Variants in SAMD5 observed in about 807,000 individuals in gnomAD.
The protein encoded by SAMD5 is sterile alpha motif domain-containing protein 5.
A neutral mutation model predicts 11.3 loss-of-function variants in SAMD5; 13 were observed. The observed-to-expected ratio is 1.15, with a 90% confidence interval of 0.75 to 1.83. The LOEUF is 1.83. Ranked by LOEUF, SAMD5 falls within the 40% of genes most tolerant of loss-of-function variation. SAMD5 has a pLI of 0.00. For missense variants in SAMD5, 255 were observed against 239.1 expected (o/e 1.07, Z -0.44); for synonymous variants, 129 against 111.3 (o/e 1.16, Z -1.00).
chr6:147,897,455 G>C, the SAMD5 span, among the ~76,000 whole-genome samples: 1 of 152,162 alleles, frequency 6.6e-6, no homozygotes, highest in Admixed American at 6.5e-5. Flanking sequence ...AATGACTGGA[G>C]CATGAAGGTC....
chr6:147,780,345 T>A, the SAMD5 span, among the ~76,000 whole-genome samples: 1 of 151,988 alleles, frequency 6.6e-6, no homozygotes, highest in Non-Finnish European at 1.5e-5. Context: ...GTAGCTTGGA[T>A]TATAGATGCC....
At chr6:147,763,941 C>CT in the SAMD5 span, among the ~76,000 whole-genome samples, 6,965 of 152,264 alleles carry the variant, frequency 0.046, 213 homozygotes, top group Non-Finnish European at 0.069. Flanking sequence ...CCTGAAATGA[C>CT]TGAGTCACTT....
the SAMD5 span, among the ~76,000 whole-genome samples, chr6:147,795,829 T>C: frequency 6.6e-6 from 1 of 152,080 alleles, no homozygotes; most frequent in African/African-American, 2.4e-5. Flanking sequence ...ATGGTGAGCA[T>C]TTTTTCATGT....
the SAMD5 span, among the ~76,000 whole-genome samples, chr6:147,781,610 C>A: frequency 7.5e-3 from 1,148 of 152,180 alleles, 10 homozygotes; most frequent in Non-Finnish European, 0.012. Flanking sequence ...GGGCAAGAAC[C>A]TAGTTGCTCA....
the SAMD5 span, among the ~76,000 whole-genome samples, chr6:147,927,510 G>A: frequency 6.6e-6 from 1 of 152,114 alleles, no homozygotes; most frequent in Non-Finnish European, 1.5e-5. Context: ...TGCACAGTGA[G>A]TTTGTATACT....
At chr6:147,943,049 G>A in the SAMD5 span, among the ~76,000 whole-genome samples, 2 of 151,932 alleles carry the variant, frequency 1.3e-5, no homozygotes, top group African/African-American at 4.8e-5. Context: ...TTGAACTCCT[G>A]ACCTCAGGTG....
intron 1 of SAMD5, among the ~76,000 whole-genome samples, chr6:147,673,995 G>A (rs1470229669): frequency 6.6e-6 from 1 of 152,202 alleles, no homozygotes; most frequent in Non-Finnish European, 1.5e-5. Context: ...TTAACAGTAA[G>A]TATGACTTGG....
At chr6:147,613,359 C>T (rs71566487) in intron 1 of SAMD5, among the ~76,000 whole-genome samples, 11,591 of 151,826 alleles carry the variant, frequency 0.076, 680 homozygotes, top group East Asian at 0.21. Context: ...GAGAGCCCCA[C>T]GCACTAAGAG....
At chr6:147,693,134 C>T (rs185909613) in intron 1 of SAMD5, among the ~76,000 whole-genome samples, 1 of 152,316 alleles carries the variant, frequency 6.6e-6, no homozygotes, top group Non-Finnish European at 1.5e-5. Context: ...TCAATTCTGC[C>T]CCTATGAGAG....
chr6:147,816,301 A>AAAAATATATATAT, the SAMD5 span, among the ~76,000 whole-genome samples: 72 of 66,340 alleles, frequency 1.1e-3, 1 homozygote, highest in African/African-American at 1.3e-3. Context: ...AAAAAAAAAA[A>AAAAATATATATAT]ATATATATAT....
Position 147,509,156 on chromosome 6 carries a change from T to C in SAMD5, c.228T>C (p.Leu76=), listed in dbSNP as rs145237793. The stretch of plus-strand genomic sequence containing the variant: ...ACGCCGCCGGCCTCTACTTCACGCT[T>C]GAGCCGCAGCCGGCGCCCCCCGGGC... ...DANAAGLYFT[L]EPQPAPPGPP... is the part of the protein sequence containing the mutation. The change falls in exon 1 of 2, where the codon CTT becomes CTC. Residue 76 remains leucine (L), a synonymous_variant. Coordinates refer to ENST00000367474, the MANE Select transcript of SAMD5 (RefSeq NM_001030060.3). The C allele has an allele frequency of 1.1e-3, 1,561 of 1,410,820 alleles. 15 individuals are homozygous for C. In the African/African-American group the frequency reaches 0.018, roughly 16 times the overall value. The allele number at this position is 1,410,820 out of a possible 1,614,324, so 87.4% of individuals were successfully genotyped here. A position where few individuals can be genotyped will look rare whatever the true frequency, so the allele number is the denominator to read the frequency against.
At chr6:147,606,956 C>A in intron 1 of SAMD5, among the ~76,000 whole-genome samples, 1 of 84,556 alleles carries the variant, frequency 1.2e-5, no homozygotes. Flanking sequence ...TCTGTAGCAG[C>A]TTTATCCAAA....
At chr6:147,609,102 C>T (rs1223974806) in intron 1 of SAMD5, among the ~76,000 whole-genome samples, 2 of 152,090 alleles carry the variant, frequency 1.3e-5, no homozygotes, top group African/African-American at 4.8e-5. Flanking sequence ...TGTGTTCCCC[C>T]ACCCCTAATT....
At chr6:147,710,782 G>A (rs891104019) in intron 1 of SAMD5, among the ~76,000 whole-genome samples, 2 of 148,238 alleles carry the variant, frequency 1.3e-5, no homozygotes, top group Non-Finnish European at 3.0e-5. Context: ...TACTCTCCAT[G>A]GTTTCAGACA....
intron 1 of SAMD5, among the ~76,000 whole-genome samples, chr6:147,533,594 T>C (rs150643327): frequency 1.5e-3 from 227 of 150,308 alleles, no homozygotes; most frequent in African/African-American, 5.1e-3. Flanking sequence ...TCACCAGGAG[T>C]CCAGCCGAAT....
chr6:147,812,807 A>G, the SAMD5 span, among the ~76,000 whole-genome samples: 2 of 152,226 alleles, frequency 1.3e-5, no homozygotes, highest in Non-Finnish European at 2.9e-5. Context: ...TTAATTTGAT[A>G]TAGTTATGAT....
chr6:147,664,016 A>G (rs1264092616), intron 1 of SAMD5, among the ~76,000 whole-genome samples: 2 of 151,886 alleles, frequency 1.3e-5, no homozygotes, highest in Non-Finnish European at 2.9e-5. Flanking sequence ...GCTTAGAAGG[A>G]CTAGAGGAGT....
intron 1 of SAMD5, among the ~76,000 whole-genome samples, chr6:147,730,439 G>C (rs1791697855): frequency 6.6e-6 from 1 of 152,136 alleles, no homozygotes; most frequent in Non-Finnish European, 1.5e-5. Flanking sequence ...TATTTTTGAA[G>C]GTTGAGCCAA....
At chr6:147,820,990 T>A in the SAMD5 span, among the ~76,000 whole-genome samples, 2 of 152,212 alleles carry the variant, frequency 1.3e-5, no homozygotes, top group African/African-American at 4.8e-5. Context: ...TCTTAATGTG[T>A]GAAGTTTTAT....
Sources: gnomAD v4.1 joint callset for allele counts (sites outside exome capture counted in the v4.1 genomes callset) on GRCh38, gnomAD v4.1.1 for gene constraint, MANE v1.5 for transcripts, NCBI Gene and HGNC (gene_info 2026-07-23, HGNC 2026-07-21) for gene names.